The following DYNC2LI1 variants were observed in gnomAD, a reference collection of about 807,000 sequenced individuals.
DYNC2LI1 encodes dynein cytoplasmic 2 light intermediate chain 1, also known as cytoplasmic dynein 2 light intermediate chain 1.
In DYNC2LI1, 45 loss-of-function variants were observed where a neutral mutation model predicts 51.9. The ratio of observed to expected loss-of-function variants is 0.87; its 90% CI spans 0.68 to 1.11. DYNC2LI1 has a LOEUF of 1.11. Ranked by LOEUF, DYNC2LI1 falls within the 50% of genes most tolerant of loss-of-function variation. DYNC2LI1 has a pLI of 0.00. For synonymous variants in DYNC2LI1, 130 were observed against 137.8 expected, an observed-to-expected ratio of 0.94 and a Z score of 0.40; for missense variants, 490 against 417.4, an observed-to-expected ratio of 1.17 and a Z score of -1.51.
At chr2:43,814,925 A>G (rs763387515), downstream of DYNC2LI1, among the ~76,000 whole-genome samples, 13 of 152,358 alleles carry the variant, frequency 8.5e-5, 1 homozygote, top group South Asian at 6.2e-4. Context: ...GTCAGTAAGC[A>G]TAGCACTTTG....
chr2:43,775,090 C>A (rs1024081240), intron 1 of DYNC2LI1, among the ~76,000 whole-genome samples: 2 of 152,144 alleles, frequency 1.3e-5, no homozygotes, highest in African/African-American at 4.8e-5. Flanking sequence ...AGGCCATGCC[C>A]TAAACTACAT....
At position 43,796,714 on chromosome 2, in the gene DYNC2LI1, A is replaced by G; in HGVS notation, c.577-4A>G. ...TGACTTTTTAAAATAACATATTTCT[A>G]CAGGATTTTGAGTCTGAGAAGAGAA... On this transcript the variant is annotated splice_polypyrimidine_tract_variant and splice_region_variant and intron_variant, in intron 7 of 12. Transcript: ENST00000260605. The G allele has an allele frequency of 6.2e-7, 1 of 1,606,306 alleles. No homozygotes were observed. Among genetic ancestry groups the G allele is most frequent in the Non-Finnish European group, 8.5e-7 (1 of 1,173,446 alleles).
intron 2 of DYNC2LI1, among the ~76,000 whole-genome samples, chr2:43,782,226 G>C (rs761089661): frequency 3.9e-4 from 60 of 151,962 alleles, no homozygotes; most frequent in Middle Eastern, 3.2e-3. Flanking sequence ...TAGTTTTTCA[G>C]TTTGATGTAA....
downstream of DYNC2LI1, among the ~76,000 whole-genome samples, chr2:43,811,618 C>G (rs1666483111): frequency 6.7e-6 from 1 of 149,978 alleles, no homozygotes; most frequent in African/African-American, 2.5e-5. Flanking sequence ...TTTTTTGAGA[C>G]AGAGTCTTGC....
chr2:43,814,644 C>A (rs1002328901), downstream of DYNC2LI1: 1 of 1,035,392 alleles, frequency 9.7e-7, no homozygotes, highest in Non-Finnish European at 1.5e-6. Context: ...ATAGTCCTAC[C>A]AAATGAAAAG....
Position 43,776,817 on chromosome 2 carries a change from A to G in DYNC2LI1, c.44A>G (p.Glu15Gly). 6.3e-7 allele frequency: 1 copy of G among 1,599,456 alleles called. No homozygotes were observed. ...TGGGAAATTGCAAAAGCTGAAGTGG[A>G]AAAAAGGGGAATTAATGGAAGTGAA... Reference protein sequence around the residue: ...TLWEIAKAEVEKRGINGSEGD... With the variant: ...TLWEIAKAEVGKRGINGSEGD... The change falls in exon 2 of 13, where the codon GAA becomes GGA. Residue 15 changes from glutamate (E) to glycine (G), a missense_variant. Glu to Gly is a moderately conservative substitution (Grantham distance 98, BLOSUM62 -2). Coordinates refer to ENST00000260605, the MANE Select transcript of DYNC2LI1 (RefSeq NM_016008.4).
At position 43,804,509 on chromosome 2, in the gene DYNC2LI1, A is replaced by C. The variant is rs917126480; in HGVS notation, c.803-133A>C. 3.0e-5 allele frequency: 18 copies of C among 593,366 alleles called. No homozygotes were observed. The African/African-American group carries it at 3.3e-4, about 11-fold the overall frequency. The allele number at this position is 593,366 out of a possible 1,614,324, so 36.8% of individuals were successfully genotyped here. A position where few individuals can be genotyped will look rare whatever the true frequency, so the allele number is the denominator to read the frequency against. ...GCTATGCTGGGTAGGGTAAATTTTTATGGTGACTATATTAAGGAGAGGGAA... is the reference window on the plus strand; with the variant it reads ...GCTATGCTGGGTAGGGTAAATTTTTCTGGTGACTATATTAAGGAGAGGGAA... On this transcript the variant is annotated intron_variant, in intron 10 of 12. Coordinates refer to ENST00000260605, the MANE Select transcript of DYNC2LI1 (RefSeq NM_016008.4).
At chr2:43,802,863 G>C (rs1221923406) in intron 10 of DYNC2LI1, among the ~76,000 whole-genome samples, 2 of 152,126 alleles carry the variant, frequency 1.3e-5, no homozygotes, top group Admixed American at 1.3e-4. Context: ...AAAGACATAA[G>C]CAGACATTTC....
At chr2:43,776,717 G>T (rs547880434) in intron 1 of DYNC2LI1, 65 bp from the exon 2 acceptor site, 3 of 745,680 alleles carry the variant, frequency 4.0e-6, no homozygotes, top group East Asian at 5.4e-5. Flanking sequence ...ATTTCTCTGA[G>T]CTTGAAATAA....
chr2:43,786,584 G>A (rs868209393), intron 3 of DYNC2LI1, among the ~76,000 whole-genome samples: 4 of 152,068 alleles, frequency 2.6e-5, no homozygotes, highest in Admixed American at 2.0e-4. Flanking sequence ...GGCGGATCAC[G>A]AGGTCAGGAG....
intron 2 of DYNC2LI1, among the ~76,000 whole-genome samples, chr2:43,777,112 A>G (rs992614411): frequency 1.3e-5 from 2 of 152,194 alleles, no homozygotes; most frequent in Admixed American, 6.5e-5. Flanking sequence ...TTTTTATTTC[A>G]TGATTTGAAA....
downstream of DYNC2LI1, among the ~76,000 whole-genome samples, chr2:43,810,670 T>G (rs1420823880): frequency 6.6e-6 from 1 of 152,200 alleles, no homozygotes; most frequent in Non-Finnish European, 1.5e-5. Flanking sequence ...ATCTGCTTAT[T>G]GCAATGAACT....
the DYNC2LI1 span, chr2:43,824,496 A>G: frequency 1.4e-5 from 23 of 1,601,950 alleles, no homozygotes; most frequent in South Asian, 2.2e-4. Flanking sequence ...ACATGGATAT[A>G]CAATTGGTAC....
Position 43,802,459 on chromosome 2 carries a change from A to T in DYNC2LI1, c.802+750A>T, listed in dbSNP as rs560590975. On this transcript the variant is annotated intron_variant, in intron 10 of 12. Coordinates refer to ENST00000260605, the MANE Select transcript of DYNC2LI1 (RefSeq NM_016008.4). ...GACTTCAAATATAGAAATCTTTGTA[A>T]TGAGATTATAGATTAATTGGAATGA... Among the ~76,000 whole-genome samples, 3 of 151,886 alleles carry T rather than the reference A, an allele frequency of 2.0e-5. No individual in the cohort carries two copies. The East Asian group carries it at 5.8e-4, about 29-fold the overall frequency.
intron 3 of DYNC2LI1, among the ~76,000 whole-genome samples, chr2:43,786,171 T>G (rs1207440399): frequency 6.6e-6 from 1 of 152,202 alleles, no homozygotes; most frequent in Non-Finnish European, 1.5e-5. Flanking sequence ...GATAAAGAAC[T>G]GCTAGAGAAC....
At chr2:43,809,645 G>C in intron 12 of DYNC2LI1, 60 bp from the exon 13 acceptor site, 2 of 1,207,608 alleles carry the variant, frequency 1.7e-6, no homozygotes, top group East Asian at 4.7e-5. Context: ...GCAGTTTTAA[G>C]GTGCCTCCTT....
intron 1 of DYNC2LI1, chr2:43,775,853 AAT>A: frequency 3.1e-5 from 3 of 96,130 alleles, no homozygotes; most frequent in South Asian, 1.2e-4. Context: ...ACACCTGGCC[AAT>A]TTTTTTTTTT....
chr2:43,777,720 C>T (rs1353420962), intron 2 of DYNC2LI1, among the ~76,000 whole-genome samples: 2 of 152,220 alleles, frequency 1.3e-5, no homozygotes, highest in South Asian at 2.1e-4. Flanking sequence ...GCAACGTCAG[C>T]GCCCAGGCAG....
At chr2:43,813,970 A>C (rs115584075), downstream of DYNC2LI1, among the ~76,000 whole-genome samples, 3,290 of 149,222 alleles carry the variant, frequency 0.022, 83 homozygotes, top group African/African-American at 0.063. Context: ...CCAACCTCCG[A>C]CTCCCAAAGT....
Sources: gnomAD v4.1 joint callset for allele counts (sites outside exome capture counted in the v4.1 genomes callset) on GRCh38, gnomAD v4.1.1 for gene constraint, MANE v1.5 for transcripts, NCBI Gene and HGNC (gene_info 2026-07-23, HGNC 2026-07-21) for gene names.